The following KCNN3 variants were observed in gnomAD, a reference collection of about 807,000 sequenced individuals.
KCNN3 encodes the protein small conductance calcium-activated potassium channel protein 3.
A neutral mutation model predicts 62.9 loss-of-function variants in KCNN3; 16 were observed. That is an observed-to-expected ratio of 0.25 (90% confidence interval 0.17 to 0.39). The LOEUF is 0.39. Among genes scored for constraint, KCNN3 ranks in the 10% least tolerant of loss-of-function variants. The pLI, the probability that KCNN3 is intolerant of heterozygous loss-of-function variation, is 1.00. For synonymous variants in KCNN3, 370 were observed against 389.2 expected, an observed-to-expected ratio of 0.95 and a Z score of 0.58; for missense variants, 599 against 949.4, an observed-to-expected ratio of 0.63 and a Z score of 4.85.
rs1699881213 is a variant in KCNN3 at position 154,702,735 on chromosome 1, A to G, written c.*5241T>C. 1 of 118,966 alleles carries G rather than the reference A, an allele frequency of 8.4e-6. No homozygotes were observed. The highest frequency in any genetic ancestry group is 2.6e-4 in the South Asian group (1 of 3,852). 7.4% of individuals were successfully genotyped at this position (118,966 alleles called of 1,614,324 possible). A position where few individuals can be genotyped will look rare whatever the true frequency, so the allele number is the denominator to read the frequency against. ...TATATATATATATATATATATATAT[A>G]TATATATATATATGTACTTTTTCTT... On this transcript the variant is annotated 3_prime_UTR_variant, in exon 8 of 8. Coordinates refer to ENST00000271915, the MANE Select transcript of KCNN3 (RefSeq NM_002249.6).
chr1:154,754,059 T>C (rs1001258746), intron 3 of KCNN3, among the ~76,000 whole-genome samples: 12 of 152,182 alleles, frequency 7.9e-5, no homozygotes, highest in Non-Finnish European at 1.6e-4. Context: ...ATTATTACCA[T>C]TGTTGCTGAT....
chr1:154,814,376 C>A (rs1386572612), intron 2 of KCNN3, among the ~76,000 whole-genome samples: 4 of 152,246 alleles, frequency 2.6e-5, no homozygotes, highest in Non-Finnish European at 4.4e-5. Context: ...GTCCCCACTG[C>A]CATGGAGCCC....
rs1196454147 is a variant in KCNN3, at chr1:154,704,500, A to G, written c.*3476T>C. 1 of 152,072 alleles carries G rather than the reference A, an allele frequency of 6.6e-6. No individual in the cohort carries two copies. The highest frequency in any genetic ancestry group is 1.5e-5 in the Non-Finnish European group (1 of 68,000). The allele number at this position is 152,072 out of a possible 1,614,324, so 9.4% of individuals were successfully genotyped here. ...TGCTATGTCCTGAAATTCCACTGAG[A>G]TTAGTGGTCTTAAAGTATCACAGTA... On this transcript the variant is annotated 3_prime_UTR_variant, in exon 8 of 8. Coordinates refer to ENST00000271915, the MANE Select transcript of KCNN3 (RefSeq NM_002249.6).
Position 154,842,257 on chromosome 1 carries a change from G to A in KCNN3, c.934-20073C>T, listed in dbSNP as rs552982663. On this transcript the variant is annotated intron_variant, in intron 1 of 7. Transcript: ENST00000271915. ...ATGGCGGCCCCCTTCTTGGGTGTGA[G>A]CAGGTGCGGGTGTGGGAGCAGCTGT... 1.5e-3 allele frequency among the ~76,000 whole-genome samples: 235 copies of A among 152,302 alleles called. 1 individual carries two copies. The highest frequency in any genetic ancestry group is 5.5e-3 in the African/African-American group (227 of 41,562).
At chr1:154,737,209 G>GT (rs988120826) in intron 3 of KCNN3, 7 of 309,656 alleles carry the variant, frequency 2.3e-5, no homozygotes, top group Non-Finnish European at 4.4e-5. Flanking sequence ...GAAAATTTGG[G>GT]GGGGGGGGAT....
chr1:154,795,412 C>T (rs1649691753), intron 2 of KCNN3, among the ~76,000 whole-genome samples: 1 of 152,152 alleles, frequency 6.6e-6, no homozygotes. Flanking sequence ...TCGAGTCCCC[C>T]ACCTACTGAT....
At chr1:154,720,739 C>A (rs1700328554) in intron 5 of KCNN3, among the ~76,000 whole-genome samples, 1 of 152,164 alleles carries the variant, frequency 6.6e-6, no homozygotes, top group Non-Finnish European at 1.5e-5. Context: ...CTAAGGAGAT[C>A]CATGGGGAAG....
At position 154,714,916 on chromosome 1, in the gene KCNN3, C is replaced by T; in HGVS notation, c.1789G>A (p.Val597Met). 1 of 1,613,674 alleles carries T rather than the reference C, an allele frequency of 6.2e-7. No homozygotes were observed. The highest frequency in any genetic ancestry group is 8.5e-7 in the Non-Finnish European group (1 of 1,179,726). ...AGGAACTTCCTCTGGTGTTTCCTCA[C>T]TTTGGCATGGTCAATCTTCTTTAGC... Reference protein sequence around the residue: ...KLLKKIDHAKVRKHQRKFLQA... With the variant: ...KLLKKIDHAKMRKHQRKFLQA... The change falls in exon 6 of 8, where the codon GTG becomes ATG. Residue 597 changes from valine (V) to methionine (M), a missense_variant. By Grantham distance (21) the Val-to-Met change is conservative. This residue lies in a region of KCNN3 where 288 missense variants were observed against 557.4 expected (regional missense o/e 0.52). Coordinates refer to ENST00000271915, the MANE Select transcript of KCNN3 (RefSeq NM_002249.6).
At chr1:154,752,332 A>T (rs1275239530) in intron 3 of KCNN3, among the ~76,000 whole-genome samples, 1 of 152,220 alleles carries the variant, frequency 6.6e-6, no homozygotes, top group Non-Finnish European at 1.5e-5. Flanking sequence ...TCACCCAAAT[A>T]TAGGGACATC....
In KCNN3 at chr1:154,869,797, T is replaced by C; in HGVS notation, c.168A>G (p.Gly56=). The change falls in exon 1 of 8, where the codon GGA becomes GGG. Residue 56 remains glycine, a synonymous_variant. Transcript: ENST00000271915. This position sits in a 1 kb window ranked among gnomAD's most constrained non-coding sequence, Gnocchi z 6.1. ...APPAAPQQPL[G]PSLQPQPPQL... is the part of the protein sequence containing the mutation. Reference sequence around the variant, plus strand: ...GCGGAGGCTGAGGCTGCAGCGAGGGTCCCAGGGGCTGCTGGGGGGCTGCTG... The same window carrying C: ...GCGGAGGCTGAGGCTGCAGCGAGGGCCCCAGGGGCTGCTGGGGGGCTGCTG... 6.7e-7 allele frequency: 1 copy of C among 1,487,502 alleles called. No homozygotes were observed. The highest frequency in any genetic ancestry group is 2.7e-5 in the East Asian group (1 of 37,390). The allele number at this position is 1,487,502 out of a possible 1,614,324, so 92.1% of individuals were successfully genotyped here.
At chr1:154,836,814 A>G (rs1218580) in intron 1 of KCNN3, among the ~76,000 whole-genome samples, 53,757 of 152,112 alleles carry the variant, frequency 0.35, 9,856 homozygotes, top group East Asian at 0.63. Flanking sequence ...CTCCAGGCTC[A>G]GGGCTGCTTC....
At chr1:154,853,356 G>A (rs1341965623) in intron 1 of KCNN3, among the ~76,000 whole-genome samples, 3 of 151,302 alleles carry the variant, frequency 2.0e-5, no homozygotes, top group Non-Finnish European at 4.4e-5. Flanking sequence ...TTTTGTTTGA[G>A]ACCAGGTCTC....
Position 154,714,786 on chromosome 1 carries a change from T to A in KCNN3, c.1829+90A>T. On this transcript the variant is annotated intron_variant, in intron 6 of 7. Transcript: ENST00000271915. ...ACTCCACTTGTTGAGTGGAACAGAA[T>A]GGATTTCTTCTGTGCTACTGACAGA... 15 of 1,541,170 alleles carry A rather than the reference T, an allele frequency of 9.7e-6. 1 individual carries two copies. In the South Asian group the frequency reaches 1.3e-4, roughly 14 times the overall value.
In KCNN3 at chr1:154,707,655, C is replaced by T; in HGVS notation, c.*321G>A. On this transcript the variant is annotated 3_prime_UTR_variant, in exon 8 of 8. Coordinates refer to ENST00000271915, the MANE Select transcript of KCNN3 (RefSeq NM_002249.6). ...TGTTGGCTACTTCAGTGCATCTGAC[C>T]CCCACCCCCCGCGTGAAGACCTGAG... 1 of 277,398 alleles carries T rather than the reference C, an allele frequency of 3.6e-6. No individual in the cohort carries two copies. The highest frequency in any genetic ancestry group is 6.9e-6 in the Non-Finnish European group (1 of 145,854). 17.2% of individuals were successfully genotyped at this position (277,398 alleles called of 1,614,324 possible). A position where few individuals can be genotyped will look rare whatever the true frequency, so the allele number is the denominator to read the frequency against.
intron 1 of KCNN3, among the ~76,000 whole-genome samples, chr1:154,864,449 T>A (rs1260885321): frequency 1.3e-5 from 2 of 152,208 alleles, no homozygotes; most frequent in Non-Finnish European, 2.9e-5. Context: ...CAGAACTGGT[T>A]CCAGTGATAC....
chr1:154,825,281 C>T lies in KCNN3; in HGVS notation c.934-3097G>A, dbSNP rs750578289. 4.6e-5 allele frequency among the ~76,000 whole-genome samples: 7 copies of T among 152,084 alleles called. 1 individual carries two copies. The highest frequency in any genetic ancestry group is 2.1e-4 in the South Asian group (1 of 4,824). Reference sequence around the variant, plus strand: ...GGTCAACTGGTCAACCCTTCTGCCCCGTGACTCAGAACTTTTCAACACAGA... The same window carrying T: ...GGTCAACTGGTCAACCCTTCTGCCCTGTGACTCAGAACTTTTCAACACAGA... On this transcript the variant is annotated intron_variant, in intron 1 of 7. Coordinates refer to ENST00000271915, the MANE Select transcript of KCNN3 (RefSeq NM_002249.6).
Position 154,837,271 on chromosome 1 carries a change from TTTTG to T in KCNN3, c.934-15091_934-15088del, listed in dbSNP as rs755219082. Among the ~76,000 whole-genome samples, 27 of 152,212 alleles carry T rather than the reference TTTTG, an allele frequency of 1.8e-4. 1 individual carries two copies. Among genetic ancestry groups the T allele is most frequent in the Middle Eastern group, 3.4e-3 (1 of 294 alleles). On this transcript the variant is annotated intron_variant, in intron 1 of 7. Coordinates refer to ENST00000271915, the MANE Select transcript of KCNN3 (RefSeq NM_002249.6). ...ACGCCACCACCATGCCCGGCTAGTT[TTTTG>T]TTTGTTTGTTTGTTTTTCATTTTTT...
chr1:154,740,643 C>T (rs539280269), intron 3 of KCNN3, among the ~76,000 whole-genome samples: 2 of 152,234 alleles, frequency 1.3e-5, no homozygotes, highest in Non-Finnish European at 1.5e-5. Context: ...TCCATATCCT[C>T]ATTAACACTT....
At chr1:154,746,650 T>C (rs1700943208) in intron 3 of KCNN3, among the ~76,000 whole-genome samples, 1 of 152,142 alleles carries the variant, frequency 6.6e-6, no homozygotes, top group Non-Finnish European at 1.5e-5. Context: ...CTCTCCTCTC[T>C]TGTTTTCCCT....
Sources: gnomAD v4.1 joint callset for allele counts (sites outside exome capture counted in the v4.1 genomes callset) on GRCh38, gnomAD v4.1.1 for gene constraint, gnomAD v4.1.1 regional missense constraint, Gnocchi (gnomAD v3.1) non-coding constraint, MANE v1.5 for transcripts, NCBI Gene and HGNC (gene_info 2026-07-23, HGNC 2026-07-21) for gene names.